The following SCHIP1 variants were observed in gnomAD, a reference collection of about 807,000 sequenced individuals.
SCHIP1 encodes the protein schwannomin-interacting protein 1.
Under a neutral mutation model 29.7 loss-of-function variants are expected in SCHIP1, and 8 were observed. The observed-to-expected ratio is 0.27, with a 90% CI of 0.16 to 0.49. The LOEUF is 0.49. SCHIP1 is among the 20% of genes least tolerant of loss of function. SCHIP1 has a pLI of 0.99. For missense variants in SCHIP1, 193 were observed against 294.6 expected (o/e 0.66, Z 2.52); for synonymous variants, 76 against 94.9 (o/e 0.80, Z 1.16).
chr3:159,524,433 T>A, the SCHIP1 span, among the ~76,000 whole-genome samples: 5 of 152,232 alleles, frequency 3.3e-5, no homozygotes, highest in Non-Finnish European at 2.9e-5. Flanking sequence ...TTGCTCAGAC[T>A]TCATCTTGCC....
the SCHIP1 span, among the ~76,000 whole-genome samples, chr3:159,380,702 C>G: frequency 6.6e-6 from 1 of 152,076 alleles, no homozygotes; most frequent in Non-Finnish European, 1.5e-5. Flanking sequence ...AGCATCCAAA[C>G]AAGATGGAAA....
At chr3:159,392,494 T>G in the SCHIP1 span, among the ~76,000 whole-genome samples, 5 of 143,392 alleles carry the variant, frequency 3.5e-5, no homozygotes, top group Non-Finnish European at 6.0e-5. Context: ...CCAGAGTGTG[T>G]TCCCCTTCCT....
the SCHIP1 span, among the ~76,000 whole-genome samples, chr3:159,439,235 G>T: frequency 6.6e-5 from 10 of 152,072 alleles, no homozygotes; most frequent in African/African-American, 4.8e-5. Context: ...CTGCTATAAA[G>T]AATTGCCTGA....
the SCHIP1 span, among the ~76,000 whole-genome samples, chr3:159,316,427 C>G: frequency 6.6e-6 from 1 of 152,158 alleles, no homozygotes; most frequent in South Asian, 2.1e-4. Flanking sequence ...TTGCTGGAAG[C>G]TGATTAGATT....
At chr3:159,346,544 C>G in the SCHIP1 span, among the ~76,000 whole-genome samples, 10 of 152,168 alleles carry the variant, frequency 6.6e-5, no homozygotes, top group African/African-American at 9.6e-5. Flanking sequence ...AAAAAGAGAG[C>G]AGTTTTAAGA....
At chr3:159,637,371 C>CTA in the SCHIP1 span, among the ~76,000 whole-genome samples, 1 of 134,576 alleles carries the variant, frequency 7.4e-6, no homozygotes, top group Non-Finnish European at 1.6e-5. Context: ...CCGGCCCCAG[C>CTA]CACACACACA....
intron 1 of SCHIP1, among the ~76,000 whole-genome samples, chr3:159,850,677 C>T (rs868801172): frequency 1.3e-5 from 2 of 151,862 alleles, no homozygotes; most frequent in African/African-American, 2.4e-5. Context: ...CTTACAATTA[C>T]GACAGAAGGC....
chr3:159,678,476 T>C, the SCHIP1 span, among the ~76,000 whole-genome samples: 1 of 152,246 alleles, frequency 6.6e-6, no homozygotes, highest in Non-Finnish European at 1.5e-5. Context: ...CTTTTATCGG[T>C]AAAGTTTTTA....
the SCHIP1 span, among the ~76,000 whole-genome samples, chr3:159,393,095 G>C: frequency 6.6e-6 from 1 of 152,148 alleles, no homozygotes; most frequent in South Asian, 2.1e-4. Context: ...GTGTCTTTTG[G>C]CTGCATAAAT....
the SCHIP1 span, among the ~76,000 whole-genome samples, chr3:159,449,593 T>C: frequency 1.3e-5 from 2 of 152,172 alleles, no homozygotes; most frequent in African/African-American, 4.8e-5. Context: ...GCCTTATATA[T>C]GCCTTTTTTC....
chr3:159,538,228 G>A, the SCHIP1 span, among the ~76,000 whole-genome samples: 1 of 147,012 alleles, frequency 6.8e-6, no homozygotes, highest in Non-Finnish European at 1.5e-5. Flanking sequence ...TTAGGATACA[G>A]CCACAAATAA....
chr3:159,866,884 A>C lies in SCHIP1; in HGVS notation c.149+603A>C, dbSNP rs189307892. Among the ~76,000 whole-genome samples, 135 of 152,268 alleles carry C rather than the reference A, an allele frequency of 8.9e-4. 1 individual carries two copies. Among genetic ancestry groups the C allele is most frequent in the African/African-American group, 2.9e-3 (122 of 41,558 alleles). On this transcript the variant is annotated intron_variant, in intron 2 of 6. Transcript: ENST00000445224. ...AGTAAGATATTTAAATTATAATTTTATCCAAAAAACAGTGCTATAGGCCAG... is the reference window on the plus strand; with the variant it reads ...AGTAAGATATTTAAATTATAATTTTCTCCAAAAAACAGTGCTATAGGCCAG...
chr3:159,671,087 T>A, the SCHIP1 span, among the ~76,000 whole-genome samples: 2 of 152,184 alleles, frequency 1.3e-5, no homozygotes, highest in African/African-American at 4.8e-5. Context: ...CTGCTGCTGA[T>A]GAACAGAGCA....
At chr3:159,273,888 GT>G in the SCHIP1 span, 1 of 1,613,272 alleles carries the variant, frequency 6.2e-7, no homozygotes, top group Non-Finnish European at 8.5e-7. Context: ...GACAGTGTAA[GT>G]TTTACAAATG....
the SCHIP1 span, among the ~76,000 whole-genome samples, chr3:159,580,454 A>G: frequency 1.3e-5 from 2 of 152,206 alleles, no homozygotes; most frequent in Admixed American, 6.5e-5. Flanking sequence ...TGCATGCGTG[A>G]GGCATGATCA....
At chr3:159,293,804 T>C in the SCHIP1 span, among the ~76,000 whole-genome samples, 2 of 152,064 alleles carry the variant, frequency 1.3e-5, no homozygotes, top group Non-Finnish European at 2.9e-5. Flanking sequence ...AAAATAATTC[T>C]CTCTCGGAGG....
the SCHIP1 span, among the ~76,000 whole-genome samples, chr3:159,389,127 C>A: frequency 2.0e-5 from 3 of 151,738 alleles, no homozygotes; most frequent in African/African-American, 7.3e-5. Flanking sequence ...CATATTTTGG[C>A]AAAGGCTTAA....
the SCHIP1 span, among the ~76,000 whole-genome samples, chr3:159,338,454 G>A: frequency 3.9e-5 from 6 of 152,276 alleles, no homozygotes; most frequent in East Asian, 1.2e-3. Context: ...GAGTGAATAA[G>A]AACATGGTAT....
At chr3:159,435,157 C>A in the SCHIP1 span, among the ~76,000 whole-genome samples, 1 of 152,156 alleles carries the variant, frequency 6.6e-6, no homozygotes, top group South Asian at 2.1e-4. Context: ...AGTCACATGT[C>A]TTCTCCAAGC....
Sources: allele counts gnomAD v4.1 joint callset (sites outside exome capture counted in the v4.1 genomes callset), GRCh38; gene constraint gnomAD v4.1.1; transcripts MANE v1.5; gene names NCBI Gene and HGNC (gene_info 2026-07-23, HGNC 2026-07-21).